Variants in IL17RD observed in about 807,000 individuals in gnomAD.
IL17RD encodes interleukin-17 receptor D.
A neutral mutation model predicts 80.5 loss-of-function variants in IL17RD; 52 were observed. That is an observed-to-expected ratio of 0.65 (90% confidence interval 0.52 to 0.81). The LOEUF is 0.81. IL17RD is among the 40% of genes least tolerant of loss of function. The pLI, the probability that IL17RD is intolerant of heterozygous loss-of-function variation, is 0.00. For missense variants in IL17RD, 1,024 were observed against 955.1 expected (o/e 1.07, Z -0.95); for synonymous variants, 416 against 391.8 (o/e 1.06, Z -0.73).
At chr3:57,109,815 A>C (rs948907261) in intron 4 of IL17RD, among the ~76,000 whole-genome samples, 158 bp from the exon 5 acceptor site, 3 of 152,172 alleles carry the variant, frequency 2.0e-5, no homozygotes, top group African/African-American at 7.2e-5. Flanking sequence ...TTTCTGGACT[A>C]ACTTGAGATT....
chr3:57,152,195 C>T (rs1190539149), intron 1 of IL17RD, among the ~76,000 whole-genome samples: 2 of 152,286 alleles, frequency 1.3e-5, no homozygotes, highest in African/African-American at 2.4e-5. Flanking sequence ...CCCCCGCCCC[C>T]GACCAAAGCA....
intron 1 of IL17RD, among the ~76,000 whole-genome samples, chr3:57,145,665 G>T (rs1428286118): frequency 6.6e-6 from 1 of 152,176 alleles, no homozygotes. Context: ...ACTCAATAAG[G>T]ACACGGAGTG....
intron 1 of IL17RD, 138 bp downstream of exon 1, chr3:57,165,023 G>C (rs896919076): frequency 7.1e-5 from 96 of 1,345,532 alleles, no homozygotes; most frequent in South Asian, 1.3e-4. Flanking sequence ...GGATGCGCGG[G>C]AGGAGTGAGA....
chr3:57,114,077 G>A (rs971338647), intron 3 of IL17RD, among the ~76,000 whole-genome samples: 5 of 151,698 alleles, frequency 3.3e-5, no homozygotes, highest in African/African-American at 1.2e-4. Context: ...CCAGCTACTC[G>A]GGCAGCTGAG....
In IL17RD at chr3:57,127,307, A is replaced by T. The variant is rs190326237; in HGVS notation, c.127-6994T>A. On this transcript the variant is annotated intron_variant, in intron 1 of 12. Coordinates refer to ENST00000296318, the MANE Select transcript of IL17RD (RefSeq NM_017563.5). ...ATAAATATATATAAATATATATAAAAATATATAAAAATATATATAAATATA... is the reference window on the plus strand; with the variant it reads ...ATAAATATATATAAATATATATAAATATATATAAAAATATATATAAATATA... Among the ~76,000 whole-genome samples, 329 of 80,018 alleles carry T rather than the reference A, an allele frequency of 4.1e-3. 16 individuals carry two copies. Among genetic ancestry groups the T allele is most frequent in the African/African-American group, 0.015 (174 of 11,868 alleles). The allele number at this position is 80,018 out of a possible 152,430, so 52.5% of individuals were successfully genotyped here.
At chr3:57,109,019 A>C (rs1707031402) in intron 5 of IL17RD, among the ~76,000 whole-genome samples, 1 of 152,206 alleles carries the variant, frequency 6.6e-6, no homozygotes. Flanking sequence ...AGAACAAGCC[A>C]GGAGTGGGTC....
chr3:57,103,928 TTGAAG>T (rs1382356107), intron 8 of IL17RD, among the ~76,000 whole-genome samples: 1 of 152,158 alleles, frequency 6.6e-6, no homozygotes, highest in Non-Finnish European at 1.5e-5. Flanking sequence ...TACATGTTCT[TTGAAG>T]TGGTGTTTAG....
In IL17RD at chr3:57,127,327, AAT is replaced by A. The variant is rs1408391921; in HGVS notation, c.127-7016_127-7015del. The stretch of plus-strand genomic sequence containing the variant: ...ATAAAAATATATAAAAATATATATA[AAT>A]ATATATAAAAATATATATAAATATA... On this transcript the variant is annotated intron_variant, in intron 1 of 12. Coordinates refer to ENST00000296318, the MANE Select transcript of IL17RD (RefSeq NM_017563.5). Among the ~76,000 whole-genome samples the A allele has an allele frequency of 6.7e-5, 6 of 89,062 alleles. 1 individual carries two copies. The South Asian group carries it at 1.5e-3, about 22-fold the overall frequency. The allele number at this position is 89,062 out of a possible 152,430, so 58.4% of individuals were successfully genotyped here. A position where few individuals can be genotyped will look rare whatever the true frequency, so the allele number is the denominator to read the frequency against.
upstream of IL17RD, chr3:57,169,230 A>G: frequency 1.9e-6 from 1 of 518,692 alleles, no homozygotes. Flanking sequence ...ACTTGGTCTC[A>G]CCTGCCAAGG....
intron 1 of IL17RD, among the ~76,000 whole-genome samples, chr3:57,151,941 G>A (rs1453585350): frequency 6.6e-6 from 1 of 152,172 alleles, no homozygotes; most frequent in Non-Finnish European, 1.5e-5. Flanking sequence ...GTCTAGGCTT[G>A]TTTAGCAAAT....
At chr3:57,152,892 G>C (rs546156007) in intron 1 of IL17RD, among the ~76,000 whole-genome samples, 1 of 152,152 alleles carries the variant, frequency 6.6e-6, no homozygotes, top group Non-Finnish European at 1.5e-5. Flanking sequence ...ACAAAGGAAA[G>C]AAATGGCTGA....
rs773989068 is a variant in IL17RD, at chr3:57,110,273, C to G, written c.349G>C (p.Glu117Gln). The G allele has an allele frequency of 6.2e-7, 1 of 1,608,898 alleles. No individual in the cohort carries two copies. Among genetic ancestry groups the G allele is most frequent in the South Asian group, 1.1e-5 (1 of 89,614 alleles). ...CACTGTCTTCCCTCCGACTTCAGCTCCTCCAGTATTACCCGAAATCCTTTC... is the reference window on the plus strand; with the variant it reads ...CACTGTCTTCCCTCCGACTTCAGCTGCTCCAGTATTACCCGAAATCCTTTC... The part of the protein sequence containing the change: ...FLKGFRVILE[E>Q]LKSEGRQCQQ... The change falls in exon 4 of 13, where the codon GAG (glutamate) becomes CAG (glutamine). Residue 117 changes from glutamate (E) to glutamine (Q), a missense_variant. Glu to Gln is a conservative substitution (Grantham distance 29). Transcript: ENST00000296318.
chr3:57,101,460 G>A (rs1257004583), intron 10 of IL17RD, 97 bp from the exon 11 acceptor site: 9 of 777,642 alleles, frequency 1.2e-5, no homozygotes, highest in African/African-American at 3.5e-5. Flanking sequence ...GAAAGAACAC[G>A]TCTACCTAGA....
chr3:57,138,127 T>C (rs570692443), intron 1 of IL17RD, among the ~76,000 whole-genome samples: 1 of 152,322 alleles, frequency 6.6e-6, no homozygotes, highest in Admixed American at 6.5e-5. Context: ...TATTGTTTAA[T>C]GGTTATGGAA....
chr3:57,124,658 G>A (rs1168980107), intron 1 of IL17RD, among the ~76,000 whole-genome samples: 2 of 152,154 alleles, frequency 1.3e-5, no homozygotes, highest in Non-Finnish European at 2.9e-5. Flanking sequence ...ATTAAGATCC[G>A]TTTTAGAATT....
chr3:57,109,726 C>T (rs894390720), intron 4 of IL17RD, 69 bp from the exon 5 acceptor site: 5 of 1,487,934 alleles, frequency 3.4e-6, no homozygotes, highest in East Asian at 4.6e-5. Context: ...ATAAGGTCTT[C>T]GCTCCTACCC....
Position 57,097,797 on chromosome 3 carries a change from C to A in IL17RD, c.1906G>T (p.Ala636Ser). 1 of 1,604,730 alleles carries A rather than the reference C, an allele frequency of 6.2e-7. No individual in the cohort carries two copies. Among genetic ancestry groups the A allele is most frequent in the Non-Finnish European group, 8.5e-7 (1 of 1,175,594 alleles). ...GLDQDGEARPALDGSAALQPL... is the reference protein window; with the variant it reads ...GLDQDGEARPSLDGSAALQPL... ...TGCAGGGCGGCGCTACCGTCAAGGGCAGGCCGGGCCTCCCCGTCTTGGTCC... is the reference window on the plus strand; with the variant it reads ...TGCAGGGCGGCGCTACCGTCAAGGGAAGGCCGGGCCTCCCCGTCTTGGTCC... The change falls in exon 12 of 13, where the codon GCC (alanine) becomes TCC (serine). Residue 636 changes from alanine to serine, a missense_variant. Ala to Ser is a moderately conservative substitution (Grantham distance 99, BLOSUM62 1). Coordinates refer to ENST00000296318, the MANE Select transcript of IL17RD (RefSeq NM_017563.5).
intron 1 of IL17RD, among the ~76,000 whole-genome samples, chr3:57,131,343 A>G (rs570523802): frequency 2.6e-5 from 4 of 152,262 alleles, no homozygotes; most frequent in Admixed American, 2.6e-4. Flanking sequence ...CTGAGTGCCC[A>G]CTGGTTACAA....
intron 1 of IL17RD, among the ~76,000 whole-genome samples, chr3:57,146,733 G>C (rs1161088482): frequency 3.1e-5 from 4 of 127,322 alleles, no homozygotes; most frequent in Non-Finnish European, 4.7e-5. Flanking sequence ...CTGGGCAACA[G>C]AGTGAGACTG....
Sources: gnomAD v4.1 joint callset for allele counts (sites outside exome capture counted in the v4.1 genomes callset) on GRCh38, gnomAD v4.1.1 for gene constraint, MANE v1.5 for transcripts, NCBI Gene and HGNC (gene_info 2026-07-23, HGNC 2026-07-21) for gene names.